Variants in CDH4 observed in about 807,000 individuals in gnomAD.
CDH4 encodes the protein cadherin 4.
Under a neutral mutation model 86.0 loss-of-function variants are expected in CDH4, and 33 were observed. The ratio of observed to expected loss-of-function variants is 0.38; its 90% confidence interval spans 0.29 to 0.51. CDH4 has a LOEUF of 0.51. CDH4 is among the 20% of genes least tolerant of loss of function. The pLI, the probability that CDH4 is intolerant of heterozygous loss-of-function variation, is 0.86. For synonymous variants in CDH4, 555 were observed against 549.4 expected (o/e 1.01, Z -0.14); for missense variants, 1,114 against 1,307.4 (o/e 0.85, Z 2.28).
At chr20:61,277,593 T>C (rs2084237653) in intron 2 of CDH4, among the ~76,000 whole-genome samples, 1 of 152,196 alleles carries the variant, frequency 6.6e-6, no homozygotes, top group Non-Finnish European at 1.5e-5. Context: ...GAAAGGATTA[T>C]AATTGGAAAA....
chr20:61,826,800 T>C (rs1214125812), intron 4 of CDH4, among the ~76,000 whole-genome samples: 5 of 152,176 alleles, frequency 3.3e-5, no homozygotes, highest in Non-Finnish European at 5.9e-5. Flanking sequence ...GGTGGCCTCA[T>C]GGCCTCCTAC....
At chr20:61,662,469 G>A (rs1600851814) in intron 2 of CDH4, among the ~76,000 whole-genome samples, 1 of 152,338 alleles carries the variant, frequency 6.6e-6, no homozygotes, top group East Asian at 1.9e-4. Flanking sequence ...GAGGGCGGCT[G>A]CCCAAAGGCA....
chr20:61,367,897 A>C (rs1190589119), intron 2 of CDH4, among the ~76,000 whole-genome samples: 2 of 135,472 alleles, frequency 1.5e-5, no homozygotes, highest in African/African-American at 5.5e-5. Context: ...TTGAGATGGA[A>C]TCTTGCTCTG....
At chr20:61,869,527 G>A (rs1424704622) in intron 6 of CDH4, among the ~76,000 whole-genome samples, 9 of 152,204 alleles carry the variant, frequency 5.9e-5, no homozygotes, top group Admixed American at 6.5e-5. Context: ...CACGTTCCTC[G>A]TCTGTGGGAT....
chr20:61,697,555 G>A (rs192196834), intron 2 of CDH4, among the ~76,000 whole-genome samples: 11 of 152,092 alleles, frequency 7.2e-5, no homozygotes, highest in Admixed American at 2.0e-4. Context: ...CCGAGATCAC[G>A]CCACTGCACT....
At chr20:61,588,966 G>T (rs2145729335) in intron 2 of CDH4, among the ~76,000 whole-genome samples, 1 of 152,338 alleles carries the variant, frequency 6.6e-6, no homozygotes, top group South Asian at 2.1e-4. Context: ...CACACGCGGA[G>T]ATAAATATAT....
intron 4 of CDH4, among the ~76,000 whole-genome samples, chr20:61,805,721 C>T (rs994438155): frequency 4.6e-5 from 7 of 152,204 alleles, no homozygotes; most frequent in African/African-American, 1.4e-4. Flanking sequence ...GATGCTCAAG[C>T]TCATTGATCA....
chr20:61,599,281 C>T (rs1171724533), intron 2 of CDH4, among the ~76,000 whole-genome samples: 1 of 152,190 alleles, frequency 6.6e-6, no homozygotes, highest in Non-Finnish European at 1.5e-5. Context: ...GAGCGGGCAG[C>T]TGTGCCGGGT....
intron 2 of CDH4, among the ~76,000 whole-genome samples, chr20:61,712,043 G>C (rs1348974566): frequency 1.3e-5 from 2 of 151,604 alleles, no homozygotes; most frequent in African/African-American, 4.9e-5. Context: ...GGCCAGGAGA[G>C]AGGGAGGCTG....
At chr20:61,691,180 C>G (rs2087648526) in intron 2 of CDH4, among the ~76,000 whole-genome samples, 1 of 152,094 alleles carries the variant, frequency 6.6e-6, no homozygotes, top group African/African-American at 2.4e-5. Context: ...CACACTGACT[C>G]TGCCCTGAGA....
chr20:61,429,755 GTGGA>G (rs111226650), intron 2 of CDH4, among the ~76,000 whole-genome samples: 90 of 141,308 alleles, frequency 6.4e-4, no homozygotes, highest in Middle Eastern at 7.1e-3. Flanking sequence ...GGATAGGTGT[GTGGA>G]TGGATGGATG....
rs574115096 is a variant in CDH4 at position 61,508,532 on chromosome 20, G to C, written c.170-235031G>C. On this transcript the variant is annotated intron_variant, in intron 2 of 15. Transcript: ENST00000614565. ...AGCAGAGCAGGTGGACAGTGGCGGAGCCCACTGTGATGGGTGACAGACCAG... is the reference window on the plus strand; with the variant it reads ...AGCAGAGCAGGTGGACAGTGGCGGACCCCACTGTGATGGGTGACAGACCAG... 1.9e-4 allele frequency among the ~76,000 whole-genome samples: 29 copies of C among 152,358 alleles called. No homozygotes were observed. In the South Asian group the frequency reaches 6.0e-3, roughly 32 times the overall value.
At chr20:61,764,101 CAGG>C (rs1232575604) in intron 3 of CDH4, among the ~76,000 whole-genome samples, 1 of 152,170 alleles carries the variant, frequency 6.6e-6, no homozygotes, top group Non-Finnish European at 1.5e-5. Flanking sequence ...ATCACACAGA[CAGG>C]AGAGCAAGAC....
chr20:61,602,090 G>T (rs2086605579), intron 2 of CDH4, among the ~76,000 whole-genome samples: 1 of 152,188 alleles, frequency 6.6e-6, no homozygotes, highest in African/African-American at 2.4e-5. Flanking sequence ...GTGCCCTGCT[G>T]CCTGGCCCAT....
intron 2 of CDH4, among the ~76,000 whole-genome samples, chr20:61,636,584 T>A (rs6061686): frequency 0.029 from 4,429 of 152,334 alleles, 204 homozygotes; most frequent in African/African-American, 0.1. Flanking sequence ...CGTGGCCTTT[T>A]GTCTATCTTT....
intron 2 of CDH4, among the ~76,000 whole-genome samples, chr20:61,594,983 C>T (rs949844222): frequency 1.2e-4 from 19 of 152,236 alleles, no homozygotes; most frequent in Non-Finnish European, 2.8e-4. Context: ...TTTACCCCAG[C>T]GCTGGCCATG....
intron 2 of CDH4, among the ~76,000 whole-genome samples, chr20:61,307,070 C>T (rs1280218267): frequency 1.3e-5 from 2 of 152,192 alleles, no homozygotes; most frequent in African/African-American, 4.8e-5. Context: ...AAGCAAAAGT[C>T]CACTCCGAGA....
intron 2 of CDH4, among the ~76,000 whole-genome samples, chr20:61,546,310 G>C (rs949983635): frequency 2.0e-5 from 3 of 149,160 alleles, no homozygotes; most frequent in African/African-American, 7.4e-5. Flanking sequence ...GAGTATGCAT[G>C]TGTGCAGAGG....
chr20:61,753,774 A>C (rs1050111889), intron 3 of CDH4, among the ~76,000 whole-genome samples: 1 of 152,212 alleles, frequency 6.6e-6, no homozygotes, highest in African/African-American at 2.4e-5. Context: ...TCGGCCGAGC[A>C]ATGTCCCACG....
Sources: gnomAD v4.1 joint callset for allele counts (sites outside exome capture counted in the v4.1 genomes callset) on GRCh38, gnomAD v4.1.1 for gene constraint, MANE v1.5 for transcripts, NCBI Gene and HGNC (gene_info 2026-07-23, HGNC 2026-07-21) for gene names.